TNNI3K: variants seen among roughly 807,000 people sequenced by gnomAD.
The protein encoded by TNNI3K is serine/threonine-protein kinase TNNI3K.
In TNNI3K, 140 loss-of-function variants were observed where a neutral mutation model predicts 114.5. The observed-to-expected ratio is 1.22, with a 90% CI of 1.07 to 1.41. TNNI3K has a LOEUF of 1.41. Ranked by LOEUF, TNNI3K falls within the 40% of genes most tolerant of loss-of-function variation. The pLI is 0.00. For missense variants in TNNI3K, 1,125 were observed against 1,007.6 expected (o/e 1.12, Z -1.58); for synonymous variants, 347 against 347.5 (o/e 1.00, Z 0.02).
At position 74,342,950 on chromosome 1, in the gene TNNI3K, A is replaced by C. The variant is rs1460468795; in HGVS notation, c.791A>C (p.His264Pro). Residue 264 changes from histidine (H) to proline (P), a missense_variant, in exon 8 of 25, where the codon CAT becomes CCT. Coordinates refer to ENST00000326637, the MANE Select transcript of TNNI3K (RefSeq NM_015978.3). ...CAAAGTGATTTGGAAGTTCAACCTC[A>C]TGTTGTTAATATCTATGGAGATACC... ...LLQSDLEVQP[H>P]VVNIYGDTPL... 1 of 1,613,878 alleles carries C rather than the reference A, an allele frequency of 6.2e-7. No homozygotes were observed.
intron 17 of TNNI3K, among the ~76,000 whole-genome samples, chr1:74,402,144 C>T (rs189557768): frequency 4.6e-5 from 7 of 152,176 alleles, no homozygotes; most frequent in South Asian, 2.1e-4. Context: ...AAAAACACAA[C>T]GGGGTCAAGT....
At chr1:74,460,799 G>A (rs1361196908) in intron 20 of TNNI3K, among the ~76,000 whole-genome samples, 2 of 152,344 alleles carry the variant, frequency 1.3e-5, no homozygotes, top group East Asian at 3.9e-4. Context: ...TAAAGCAAAG[G>A]GGAGGAGATG....
At chr1:74,235,637 G>T in intron 1 of TNNI3K, 146 bp downstream of exon 1, 1 of 475,206 alleles carries the variant, frequency 2.1e-6, no homozygotes, top group Non-Finnish European at 3.8e-6. Flanking sequence ...AAAACTATCT[G>T]AACTCAAATT....
At chr1:74,417,927 C>T (rs1381232824) in intron 17 of TNNI3K, among the ~76,000 whole-genome samples, 3 of 151,994 alleles carry the variant, frequency 2.0e-5, no homozygotes, top group South Asian at 4.2e-4. Context: ...AAAAAAGATA[C>T]ATGAAGCTCA....
intron 14 of TNNI3K, 33 bp downstream of exon 14, chr1:74,369,147 G>C (rs200299135): frequency 3.8e-6 from 6 of 1,593,856 alleles, no homozygotes; most frequent in Non-Finnish European, 5.1e-6. Context: ...ATAAAGGTCC[G>C]GTTTAGTTGA....
chr1:74,341,471 C>T (rs1026608528), intron 7 of TNNI3K: 2 of 151,922 alleles, frequency 1.3e-5, no homozygotes, highest in Non-Finnish European at 2.9e-5. Flanking sequence ...TCCATACCTC[C>T]AACAGTAGCT....
intron 17 of TNNI3K, among the ~76,000 whole-genome samples, chr1:74,425,710 G>A (rs775804128): frequency 1.6e-4 from 24 of 152,034 alleles, no homozygotes; most frequent in South Asian, 2.1e-4. Flanking sequence ...ATCGAGCAGC[G>A]TCCTGAAATA....
intron 2 of TNNI3K, among the ~76,000 whole-genome samples, chr1:74,242,258 T>A (rs1001162173): frequency 3.3e-5 from 5 of 152,156 alleles, no homozygotes; most frequent in Admixed American, 1.3e-4. Flanking sequence ...CACTTTAAAA[T>A]TGACTAGGTT....
chr1:74,457,915 A>G lies in TNNI3K; in HGVS notation c.2012-5526A>G, dbSNP rs1382317957. 6.6e-5 allele frequency among the ~76,000 whole-genome samples: 10 copies of G among 152,184 alleles called. 1 individual carries two copies. The highest frequency in any genetic ancestry group is 1.3e-4 in the Non-Finnish European group (9 of 68,012). On this transcript the variant is annotated intron_variant, in intron 20 of 24. Coordinates refer to ENST00000326637, the MANE Select transcript of TNNI3K (RefSeq NM_015978.3). ...TAGCCTTAAAATTTGCAGTAACTCA[A>G]TGTAATATTTTACTTGGTATTCATA...
At chr1:74,281,177 C>G (rs77348319) in intron 5 of TNNI3K, among the ~76,000 whole-genome samples, 7,091 of 152,126 alleles carry the variant, frequency 0.047, 205 homozygotes, top group Non-Finnish European at 0.055. Flanking sequence ...GAGTGGTAGC[C>G]AAGAAATAGT....
intron 23 of TNNI3K, among the ~76,000 whole-genome samples, chr1:74,529,386 A>G (rs1027831355): frequency 6.6e-6 from 1 of 152,182 alleles, no homozygotes; most frequent in Non-Finnish European, 1.5e-5. Flanking sequence ...ATTGAAGGAC[A>G]TTTTGCAAAA....
intron 5 of TNNI3K, among the ~76,000 whole-genome samples, chr1:74,322,282 T>C (rs894296168): frequency 2.6e-5 from 4 of 152,150 alleles, no homozygotes; most frequent in African/African-American, 9.7e-5. Context: ...TTACAAGTAA[T>C]TAAGAGACAA....
chr1:74,331,081 A>G, intron 5 of TNNI3K, among the ~76,000 whole-genome samples: 1 of 152,168 alleles, frequency 6.6e-6, no homozygotes, highest in East Asian at 1.9e-4. Flanking sequence ...TTAGCTGGAG[A>G]TAAAGCATGA....
chr1:74,524,885 A>T (rs903857965), intron 23 of TNNI3K, among the ~76,000 whole-genome samples: 1 of 152,204 alleles, frequency 6.6e-6, no homozygotes, highest in Non-Finnish European at 1.5e-5. Flanking sequence ...CAGAGAGGTA[A>T]CATCATTAGG....
chr1:74,357,140 C>T (rs1661704690), intron 11 of TNNI3K, among the ~76,000 whole-genome samples: 2 of 152,134 alleles, frequency 1.3e-5, no homozygotes, highest in African/African-American at 4.8e-5. Flanking sequence ...GAGGGAATCA[C>T]TATATTAATT....
chr1:74,465,199 C>G (rs1246479138), intron 21 of TNNI3K, among the ~76,000 whole-genome samples: 3 of 152,198 alleles, frequency 2.0e-5, no homozygotes, highest in Admixed American at 2.0e-4. Flanking sequence ...AACTCTTCAG[C>G]CCCCAGCTGC....
intron 5 of TNNI3K, among the ~76,000 whole-genome samples, chr1:74,279,443 G>C (rs1182939338): frequency 6.6e-6 from 1 of 152,128 alleles, no homozygotes; most frequent in Admixed American, 6.5e-5. Flanking sequence ...TTTGAAAATA[G>C]AATCTCAAGA....
intron 17 of TNNI3K, among the ~76,000 whole-genome samples, chr1:74,430,256 T>C (rs1256895350): frequency 6.6e-6 from 1 of 152,072 alleles, no homozygotes; most frequent in Non-Finnish European, 1.5e-5. Flanking sequence ...TTATGAATCA[T>C]TCGAGCACTT....
At chr1:74,367,056 G>A (rs1005036119) in intron 11 of TNNI3K, among the ~76,000 whole-genome samples, 200 bp from the exon 12 acceptor site, 4 of 151,988 alleles carry the variant, frequency 2.6e-5, no homozygotes, top group Non-Finnish European at 4.4e-5. Flanking sequence ...TAGAGTGCCT[G>A]ACATAGTGCT....
Sources: allele counts gnomAD v4.1 joint callset (sites outside exome capture counted in the v4.1 genomes callset), GRCh38; gene constraint gnomAD v4.1.1; transcripts MANE v1.5; gene names NCBI Gene and HGNC (gene_info 2026-07-23, HGNC 2026-07-21).